Variants in SMPD3 observed in about 807,000 individuals in gnomAD.
SMPD3 encodes the protein sphingomyelin phosphodiesterase 3, also known as nSMase-2.
Under a neutral mutation model 55.7 loss-of-function variants are expected in SMPD3, and 21 were observed. That is an observed-to-expected ratio of 0.38 (90% confidence interval 0.27 to 0.54). The LOEUF (loss-of-function observed/expected upper bound fraction) is 0.54. SMPD3 is among the 20% of genes least tolerant of loss of function. SMPD3 has a pLI of 0.80. For synonymous variants in SMPD3, 457 were observed against 404.3 expected (o/e 1.13, Z -1.56); for missense variants, 842 against 899.6 (o/e 0.94, Z 0.82).
At chr16:68,397,466 G>T (rs2090167924) in intron 1 of SMPD3, among the ~76,000 whole-genome samples, 1 of 152,196 alleles carries the variant, frequency 6.6e-6, no homozygotes, top group East Asian at 1.9e-4. Flanking sequence ...CCCCGGTCAA[G>T]CCCATTGTCT....
intron 1 of SMPD3, among the ~76,000 whole-genome samples, chr16:68,387,915 C>T (rs533251567): frequency 3.3e-5 from 5 of 152,358 alleles, no homozygotes; most frequent in East Asian, 1.9e-4. Context: ...GCCTCCTCTG[C>T]GGCAAACAAT....
chr16:68,420,340 T>C (rs2090382303), intron 1 of SMPD3, among the ~76,000 whole-genome samples: 1 of 152,346 alleles, frequency 6.6e-6, no homozygotes, highest in African/African-American at 2.4e-5. Flanking sequence ...ATTGTTATTG[T>C]CCCACTTTGC....
intron 1 of SMPD3, among the ~76,000 whole-genome samples, chr16:68,389,377 C>T (rs771792473): frequency 6.6e-5 from 10 of 152,222 alleles, no homozygotes; most frequent in Non-Finnish European, 1.0e-4. Flanking sequence ...TGCAGCTCCA[C>T]GGGAGATGTC....
intron 1 of SMPD3, among the ~76,000 whole-genome samples, chr16:68,446,522 G>C (rs1297332867): frequency 1.5e-5 from 2 of 130,624 alleles, no homozygotes; most frequent in African/African-American, 3.2e-5. Flanking sequence ...CACACACACA[G>C]CCCGAAGCGC....
chr16:68,388,227 C>T (rs1273474915), intron 1 of SMPD3, among the ~76,000 whole-genome samples: 1 of 152,212 alleles, frequency 6.6e-6, no homozygotes, highest in African/African-American at 2.4e-5. Flanking sequence ...GACACCCTGG[C>T]TTTTGCCCTC....
In SMPD3 at chr16:68,371,210, C is replaced by T; in HGVS notation, c.972G>A (p.Leu324=). 1 of 1,609,862 alleles carries T rather than the reference C, an allele frequency of 6.2e-7. No homozygotes were observed. The highest frequency in any genetic ancestry group is 1.7e-4 in the Middle Eastern group (1 of 6,046). ...SGEPGANSKL[L]YKASVVKKAA... ...CCTTCTTCACCACCGAGGCCTTGTACAGGAGCTTGCTGTTGGCACCTGGCT... is the reference window on the plus strand; with the variant it reads ...CCTTCTTCACCACCGAGGCCTTGTATAGGAGCTTGCTGTTGGCACCTGGCT... The change falls in exon 3 of 9, where the codon CTG becomes CTA. Residue 324 remains leucine (L), a synonymous_variant. Transcript: ENST00000219334.
intron 2 of SMPD3, among the ~76,000 whole-genome samples, chr16:68,372,943 G>A (rs539039067): frequency 3.9e-5 from 6 of 152,334 alleles, no homozygotes; most frequent in South Asian, 2.1e-4. Context: ...CAGCAGGGCC[G>A]CAGGGGAGGG....
At position 68,424,626 on chromosome 16, in the gene SMPD3, G is replaced by T. The variant is rs372711447; in HGVS notation, c.-269+23727C>A. Among the ~76,000 whole-genome samples the T allele has an allele frequency of 3.9e-5, 6 of 152,182 alleles. No individual in the cohort carries two copies. The East Asian group carries it at 7.7e-4, about 20-fold the overall frequency. The stretch of plus-strand genomic sequence containing the variant: ...TCCACACAGAATGGTTCAGCGCCAC[G>T]CCAGGCATCAGCAAAGTTACTGTCT... On this transcript the variant is annotated intron_variant, in intron 1 of 8. Coordinates refer to ENST00000219334, the MANE Select transcript of SMPD3 (RefSeq NM_018667.4).
At position 68,372,054 on chromosome 16, in the gene SMPD3, T is replaced by C; in HGVS notation, c.128A>G (p.Tyr43Cys). The C allele has an allele frequency of 6.2e-7, 1 of 1,608,576 alleles. No homozygotes were observed. Among genetic ancestry groups the C allele is most frequent in the Non-Finnish European group, 8.5e-7 (1 of 1,178,178 alleles). Residue 43 changes from tyrosine (Y) to cysteine (C), a missense_variant, in exon 3 of 9, where the codon TAC becomes TGC. Physicochemically the swap from Tyr to Cys is radical, Grantham distance 194. Coordinates refer to ENST00000219334, the MANE Select transcript of SMPD3 (RefSeq NM_018667.4). ...RLAASFIPTT[Y>C]EKRQRADDPC... is the part of the protein sequence containing the mutation. ...GTCGTCTGCCCGCTGGCGCTTCTCG[T>C]AGGTGGTGGGTATGAAGGAGGCAGC...
At chr16:68,366,438 A>G (rs1030754513) in intron 3 of SMPD3, among the ~76,000 whole-genome samples, 4 of 152,214 alleles carry the variant, frequency 2.6e-5, no homozygotes, top group Non-Finnish European at 4.4e-5. Flanking sequence ...CAGGTTCACC[A>G]TTCACTTCTT....
chr16:68,430,680 A>G (rs2090472416), intron 1 of SMPD3, among the ~76,000 whole-genome samples: 1 of 152,152 alleles, frequency 6.6e-6, no homozygotes, highest in Non-Finnish European at 1.5e-5. Context: ...GCCAAAAAAC[A>G]TGGAAGAGAA....
At chr16:68,392,835 G>GAAAAAAA (rs60841057) in intron 1 of SMPD3, among the ~76,000 whole-genome samples, 40,959 of 87,186 alleles carry the variant, frequency 0.47, 10,254 homozygotes, top group East Asian at 0.67. Flanking sequence ...CGCTGTCTGG[G>GAAAAAAA]AAAAAAAAAA....
In SMPD3 at chr16:68,371,224, T is replaced by C; in HGVS notation, c.958A>G (p.Asn320Asp). 6.2e-7 allele frequency: 1 copy of C among 1,607,520 alleles called. No individual in the cohort carries two copies. Among genetic ancestry groups the C allele is most frequent in the Non-Finnish European group, 8.5e-7 (1 of 1,177,380 alleles). The change falls in exon 3 of 9, where the codon AAC (asparagine) becomes GAC (aspartate). Residue 320 changes from asparagine to aspartate, a missense_variant. By Grantham distance (23) the Asn-to-Asp change is conservative. Around this residue, in one of 2 missense-constraint regions of SMPD3, gnomAD observed 649 missense variants for 643.6 expected, o/e 1.01. Transcript: ENST00000219334. ...DTSASGEPGANSKLLYKASVV... is the reference protein window; with the variant it reads ...DTSASGEPGADSKLLYKASVV... Reference sequence around the variant, plus strand: ...GAGGCCTTGTACAGGAGCTTGCTGTTGGCACCTGGCTCCCCGCTGGCACTG... The same window carrying C: ...GAGGCCTTGTACAGGAGCTTGCTGTCGGCACCTGGCTCCCCGCTGGCACTG...
At chr16:68,369,217 C>CA (rs10664208) in intron 3 of SMPD3, 2,221 of 115,772 alleles carry the variant, frequency 0.019, 136 homozygotes, top group African/African-American at 0.067. Flanking sequence ...AACTCCGTCT[C>CA]AAAAAAAAAA....
At chr16:68,384,336 G>C (rs1567794633) in intron 2 of SMPD3, among the ~76,000 whole-genome samples, 1 of 152,326 alleles carries the variant, frequency 6.6e-6, no homozygotes, top group East Asian at 1.9e-4. Context: ...TCCACCCATG[G>C]CCCCTGGGAT....
chr16:68,363,428 C>T, intron 7 of SMPD3, 68 bp downstream of exon 7: 4 of 1,572,100 alleles, frequency 2.5e-6, no homozygotes, highest in Non-Finnish European at 3.5e-6. Flanking sequence ...CATGTGGGTC[C>T]TGCCCAGTCC....
intron 2 of SMPD3, among the ~76,000 whole-genome samples, chr16:68,378,626 G>A (rs2089878754): frequency 6.6e-6 from 1 of 151,528 alleles, no homozygotes; most frequent in Non-Finnish European, 1.5e-5. Context: ...GCACGTCCTG[G>A]ATGGAGCTCC....
chr16:68,416,178 G>T (rs868121343), intron 1 of SMPD3, among the ~76,000 whole-genome samples: 1 of 152,216 alleles, frequency 6.6e-6, no homozygotes, highest in African/African-American at 2.4e-5. Context: ...CACTGTGCCC[G>T]TAATCAGGTG....
At chr16:68,444,022 G>A (rs918787) in intron 1 of SMPD3, among the ~76,000 whole-genome samples, 104,971 of 152,172 alleles carry the variant, frequency 0.69, 38,204 homozygotes, top group East Asian at 0.88. Context: ...TGAAGAGCCT[G>A]AGTCAGAAAA....
Sources: gnomAD v4.1 joint callset for allele counts (sites outside exome capture counted in the v4.1 genomes callset) on GRCh38, gnomAD v4.1.1 for gene constraint, gnomAD v4.1.1 regional missense constraint, MANE v1.5 for transcripts, NCBI Gene and HGNC (gene_info 2026-07-23, HGNC 2026-07-21) for gene names.